Variants in BCKDHB observed in about 807,000 individuals in gnomAD.
The protein encoded by BCKDHB is branched chain keto acid dehydrogenase E1 subunit beta.
In BCKDHB, 41 loss-of-function variants were observed where a neutral mutation model predicts 48.5. The observed-to-expected ratio is 0.85, with a 90% CI of 0.66 to 1.10. The LOEUF is 1.10. BCKDHB is among the 50% of genes least tolerant of loss of function. The pLI is 0.00. For missense variants in BCKDHB, 496 were observed against 494.2 expected (o/e 1.00, Z -0.03); for synonymous variants, 201 against 174.8 (o/e 1.15, Z -1.18).
the BCKDHB span, among the ~76,000 whole-genome samples, chr6:80,408,578 G>A: frequency 6.6e-6 from 1 of 152,044 alleles, no homozygotes; most frequent in Non-Finnish European, 1.5e-5. Context: ...TCCTGGTTTA[G>A]TCTTGGGAGG....
At chr6:80,116,082 C>A (rs1395569064) in intron 1 of BCKDHB, among the ~76,000 whole-genome samples, 1 of 152,236 alleles carries the variant, frequency 6.6e-6, no homozygotes, top group Admixed American at 6.5e-5. Context: ...TATAAATCCA[C>A]TCACTGACCG....
At chr6:80,426,620 G>A in the BCKDHB span, among the ~76,000 whole-genome samples, 1 of 152,064 alleles carries the variant, frequency 6.6e-6, no homozygotes, top group Non-Finnish European at 1.5e-5. Context: ...TTCTAAAGAT[G>A]TGGGGATTAA....
intron 6 of BCKDHB, among the ~76,000 whole-genome samples, chr6:80,193,719 C>CAAA (rs61317782): frequency 4.9e-5 from 3 of 61,252 alleles, no homozygotes; most frequent in Non-Finnish European, 7.7e-5. Flanking sequence ...GACTCTGTCT[C>CAAA]AAAAAAAAAA....
chr6:80,412,739 TG>T, the BCKDHB span, among the ~76,000 whole-genome samples: 1 of 152,200 alleles, frequency 6.6e-6, no homozygotes, highest in Non-Finnish European at 1.5e-5. Flanking sequence ...AGCTTTTGTC[TG>T]GCAAAGTCTT....
chr6:80,277,790 C>CA (rs1778031162), intron 9 of BCKDHB, among the ~76,000 whole-genome samples: 3 of 151,594 alleles, frequency 2.0e-5, no homozygotes, highest in Admixed American at 2.0e-4. Flanking sequence ...CATAAGAACT[C>CA]AGAAACTGTG....
chr6:80,185,204 A>T (rs1025870161), intron 6 of BCKDHB, among the ~76,000 whole-genome samples: 1 of 151,860 alleles, frequency 6.6e-6, no homozygotes, highest in Non-Finnish European at 1.5e-5. Flanking sequence ...GTTATAGTCT[A>T]TTGTTGAAAC....
At chr6:80,453,637 A>T in the BCKDHB span, among the ~76,000 whole-genome samples, 1 of 152,142 alleles carries the variant, frequency 6.6e-6, no homozygotes, top group East Asian at 1.9e-4. Flanking sequence ...ATTTGCATAA[A>T]GCCCTGAGGA....
chr6:80,288,743 A>C lies in BCKDHB; in HGVS notation c.1038+15522A>C, dbSNP rs116033679. Among the ~76,000 whole-genome samples, 448 of 152,190 alleles carry C rather than the reference A, an allele frequency of 2.9e-3. 1 individual carries two copies. Among genetic ancestry groups the C allele is most frequent in the African/African-American group, 0.01 (433 of 41,526 alleles). ...TTGTATTATAATTAAAGTTAGTCAT[A>C]TATGTATATATAAATATATACCATA... is the stretch of plus-strand genomic sequence containing the variant. On this transcript the variant is annotated intron_variant, in intron 9 of 9. Transcript: ENST00000320393.
intron 8 of BCKDHB, among the ~76,000 whole-genome samples, chr6:80,256,456 G>A (rs774996162): frequency 1.3e-5 from 2 of 152,114 alleles, no homozygotes; most frequent in Non-Finnish European, 2.9e-5. Flanking sequence ...ACATAGAAAA[G>A]GTACAGTCAA....
chr6:80,164,730 G>A (rs191436230), intron 3 of BCKDHB, among the ~76,000 whole-genome samples: 23 of 152,248 alleles, frequency 1.5e-4, no homozygotes, highest in African/African-American at 5.3e-4. Context: ...AGAGTGTTTA[G>A]TAATCCGTGG....
chr6:80,241,443 T>C (rs1045245641), intron 8 of BCKDHB, among the ~76,000 whole-genome samples: 1 of 152,082 alleles, frequency 6.6e-6, no homozygotes, highest in East Asian at 1.9e-4. Context: ...TTGGTATGAG[T>C]TGTCCTTTTT....
the BCKDHB span, among the ~76,000 whole-genome samples, chr6:80,433,179 G>C: frequency 1.3e-5 from 2 of 152,180 alleles, no homozygotes; most frequent in Admixed American, 1.3e-4. Context: ...CCTTAGCAGA[G>C]GTTGAACACT....
chr6:80,329,083 T>C (rs1252243813), intron 9 of BCKDHB, among the ~76,000 whole-genome samples: 1 of 152,152 alleles, frequency 6.6e-6, no homozygotes, highest in Non-Finnish European at 1.5e-5. Context: ...CTAGATATGG[T>C]AATAAATATA....
intron 9 of BCKDHB, among the ~76,000 whole-genome samples, chr6:80,304,455 A>G (rs554072038): frequency 6.6e-6 from 1 of 152,292 alleles, no homozygotes; most frequent in East Asian, 1.9e-4. Context: ...TTCCTATAGC[A>G]TGAGAGAAAC....
intron 8 of BCKDHB, among the ~76,000 whole-genome samples, chr6:80,220,822 C>T (rs1259183348): frequency 6.6e-6 from 1 of 150,576 alleles, no homozygotes; most frequent in African/African-American, 2.5e-5. Flanking sequence ...GCAATCTCCA[C>T]CTCTTGGGTT....
chr6:80,408,790 A>T, the BCKDHB span, among the ~76,000 whole-genome samples: 66 of 71,288 alleles, frequency 9.3e-4, no homozygotes, highest in Non-Finnish European at 8.8e-4. Context: ...TATTTTGTTG[A>T]TCTTTTTTTT....
chr6:80,121,924 C>A (rs150903595), intron 1 of BCKDHB, among the ~76,000 whole-genome samples: 1 of 152,090 alleles, frequency 6.6e-6, no homozygotes, highest in East Asian at 1.9e-4. Flanking sequence ...ATCCTTGTCT[C>A]GTGCCAGTTT....
intron 8 of BCKDHB, among the ~76,000 whole-genome samples, chr6:80,223,747 T>A (rs2127867689): frequency 6.6e-6 from 1 of 152,296 alleles, no homozygotes; most frequent in South Asian, 2.1e-4. Flanking sequence ...GTACTGCAAA[T>A]CCCTGTGCTG....
At chr6:80,178,004 G>A (rs1416548494) in intron 6 of BCKDHB, among the ~76,000 whole-genome samples, 1 of 152,146 alleles carries the variant, frequency 6.6e-6, no homozygotes, top group African/African-American at 2.4e-5. Context: ...GCACCTCTGG[G>A]TTTCTTCTTT....
Sources: allele counts gnomAD v4.1 joint callset (sites outside exome capture counted in the v4.1 genomes callset), GRCh38; gene constraint gnomAD v4.1.1; transcripts MANE v1.5; gene names NCBI Gene and HGNC (gene_info 2026-07-23, HGNC 2026-07-21).